The following ZNF878 variants were observed in gnomAD, a reference collection of about 807,000 sequenced individuals.
ZNF878 encodes zinc finger protein 878.
A neutral mutation model predicts 11.1 loss-of-function variants in ZNF878; 10 were observed. That is an observed-to-expected ratio of 0.90 (90% CI 0.56 to 1.53). The LOEUF (loss-of-function observed/expected upper bound fraction) is 1.53, where lower values mean the gene tolerates loss of function less well. ZNF878 is among the 40% of genes most tolerant of loss of function. The probability of loss-of-function intolerance (pLI) is 0.00; values close to 1 mark genes in which losing one functional copy is unlikely to be tolerated. For missense variants in ZNF878, 548 were observed against 626.1 expected, an observed-to-expected ratio of 0.88 and a Z score of 1.33; for synonymous variants, 165 against 209.7, an observed-to-expected ratio of 0.79 and a Z score of 1.84.
At position 12,044,653 on chromosome 19, in the gene ZNF878, T is replaced by C. The variant is rs1329008634; in HGVS notation, c.748A>G (p.Thr250Ala). The C allele has an allele frequency of 1.9e-6, 3 of 1,614,022 alleles. No homozygotes were observed. Among genetic ancestry groups the C allele is most frequent in the Non-Finnish European group, 1.7e-6 (2 of 1,180,034 alleles). Reference protein sequence around the residue: ...SSLKRHEKSHTGEKRYKCKQC... With the variant: ...SSLKRHEKSHAGEKRYKCKQC... ...TTGCATTTATAGCGTTTCTCTCCAGTGTGACTTTTCTCGTGTCTTTTTAAC... is the reference window on the plus strand; with the variant it reads ...TTGCATTTATAGCGTTTCTCTCCAGCGTGACTTTTCTCGTGTCTTTTTAAC... The change falls in exon 4 of 4, where the codon ACT becomes GCT. Residue 250 changes from threonine to alanine, a missense_variant. Thr to Ala is a moderately conservative substitution (Grantham distance 58). Transcript: ENST00000547628.
Position 12,051,243 on chromosome 19 carries a change from A to C in ZNF878, c.3+1556T>G, listed in dbSNP as rs190078785. Among the ~76,000 whole-genome samples the C allele has an allele frequency of 5.3e-4, 80 of 151,158 alleles. 1 individual carries two copies. In the East Asian group the frequency reaches 0.015, roughly 29 times the overall value. ...AACCGGGGAGGCGGAGGTTGCAGTG[A>C]GCCGAGATTGCGCCATTGCACTCCA... On this transcript the variant is annotated intron_variant, in intron 1 of 3. Transcript: ENST00000547628.
rs772399888 is a variant in ZNF878, at chr19:12,043,837, G to A, written c.1564C>T (p.Leu522Phe). 4.3e-6 allele frequency: 7 copies of A among 1,609,246 alleles called. No individual in the cohort carries two copies. The South Asian group carries it at 4.4e-5, about 10-fold the overall frequency. Residue 522 changes from leucine (L) to phenylalanine (F), a missense_variant, in exon 4 of 4, where the codon CTT becomes TTT. Leu to Phe is a conservative substitution (Grantham distance 22). This residue lies in a region of ZNF878 where 335 missense variants were observed against 358.2 expected (regional missense o/e 0.94). Coordinates refer to ENST00000547628, the MANE Select transcript of ZNF878 (RefSeq NM_001080404.3). ...CGKAFRSASI[L>F]QKHVRTHAG is the part of the protein sequence containing the mutation. ...GCGTGAGTCCTTACATGCTTTTGAA[G>A]GATTGAGGCAGATCTAAAGGCTTTA...
intron 1 of ZNF878, 93 bp downstream of exon 1, chr19:12,052,706 T>G: frequency 1.3e-6 from 2 of 1,487,398 alleles, no homozygotes; most frequent in African/African-American, 1.4e-5. Context: ...CCAGAGTCGC[T>G]GCAGGGGGGC....
In ZNF878 at chr19:12,049,124, G is replaced by A. The variant is rs181681768; in HGVS notation, c.4-2364C>T. Among the ~76,000 whole-genome samples, 362 of 139,338 alleles carry A rather than the reference G, an allele frequency of 2.6e-3. 2 individuals are homozygous for A. Among genetic ancestry groups the A allele is most frequent in the Non-Finnish European group, 3.4e-3 (224 of 64,932 alleles). The allele number at this position is 139,338 out of a possible 152,430, so 91.4% of individuals were successfully genotyped here. On this transcript the variant is annotated intron_variant, in intron 1 of 3. Coordinates refer to ENST00000547628, the MANE Select transcript of ZNF878 (RefSeq NM_001080404.3). ...CGCCACTGCACTCCAGCCTGGGCGA[G>A]AGGCAGCTCCGTCTCAAAAAAAAAA...
At chr19:12,051,230 G>C (rs1222617423) in intron 1 of ZNF878, among the ~76,000 whole-genome samples, 1 of 150,712 alleles carries the variant, frequency 6.6e-6, no homozygotes, top group Non-Finnish European at 1.5e-5. Context: ...CCGGGGAGGC[G>C]GAGGTTGCAG....
In ZNF878 at chr19:12,044,867, T is replaced by C. The variant is rs368375952; in HGVS notation, c.534A>G (p.Lys178=). 3.7e-5 allele frequency: 59 copies of C among 1,613,742 alleles called. No individual in the cohort carries two copies. Among genetic ancestry groups the C allele is most frequent in the Non-Finnish European group, 4.7e-5 (56 of 1,179,770 alleles). The change falls in exon 4 of 4, where the codon AAA becomes AAG. Residue 178 remains lysine (K), a synonymous_variant. Transcript: ENST00000547628. ...GAACAGAACTGGGAAAACTGAATGC[T>C]TTCCCACACTGCTTACATTCATAGG... ...KKPYECKQCG[K]AFSFPSSVRR...
chr19:12,052,300 T>C (rs1465057278), intron 1 of ZNF878, among the ~76,000 whole-genome samples: 1 of 152,214 alleles, frequency 6.6e-6, no homozygotes, highest in Non-Finnish European at 1.5e-5. Flanking sequence ...TTCTACACGA[T>C]TTGGGTTTTT....
intron 1 of ZNF878, among the ~76,000 whole-genome samples, chr19:12,052,369 A>G (rs767896707): frequency 6.6e-6 from 1 of 152,178 alleles, no homozygotes; most frequent in African/African-American, 2.4e-5. Context: ...GCTGTTTGCT[A>G]AAATAAACTC....
At chr19:12,049,834 GA>G (rs1241431898) in intron 1 of ZNF878, among the ~76,000 whole-genome samples, 5 of 151,898 alleles carry the variant, frequency 3.3e-5, no homozygotes, top group Non-Finnish European at 7.4e-5. Flanking sequence ...ATAGTTAGAT[GA>G]CATCAAAGAA....
At chr19:12,046,542 C>A (rs1975490813) in intron 2 of ZNF878, 92 bp downstream of exon 2, 4 of 1,587,086 alleles carry the variant, frequency 2.5e-6, no homozygotes, top group Non-Finnish European at 3.4e-6. Context: ...TCAAAGTATT[C>A]CCTGACCATA....
At chr19:12,049,231 G>A (rs1223299140) in intron 1 of ZNF878, among the ~76,000 whole-genome samples, 9 of 150,592 alleles carry the variant, frequency 6.0e-5, no homozygotes, top group Non-Finnish European at 1.3e-4. Context: ...AGCACTTTGG[G>A]AGGTGGATCA....
chr19:12,046,514 C>T, intron 2 of ZNF878, 86 bp from the exon 3 acceptor site: 1 of 1,554,098 alleles, frequency 6.4e-7, no homozygotes, highest in African/African-American at 1.4e-5. Context: ...TGGCTCATTG[C>T]ACCTGTGTCT....
Position 12,044,212 on chromosome 19 carries a change from A to T in ZNF878, c.1189T>A (p.Cys397Ser). 1.2e-6 allele frequency: 2 copies of T among 1,614,096 alleles called. No individual in the cohort carries two copies. Among genetic ancestry groups the T allele is most frequent in the Non-Finnish European group, 1.7e-6 (2 of 1,180,030 alleles). Residue 397 changes from cysteine (C) to serine (S), a missense_variant, in exon 4 of 4, where the codon TGT becomes AGT. Cys to Ser is a moderately radical substitution (Grantham distance 112, BLOSUM62 -1). This residue lies in a region of ZNF878 where 335 missense variants were observed against 358.2 expected (regional missense o/e 0.94). Coordinates refer to ENST00000547628, the MANE Select transcript of ZNF878 (RefSeq NM_001080404.3). ...RTHTGEKPYE[C>S]KQCGKAFRSA... ...CTGAAGGCTTTCCCACATTGCTTAC[A>T]CTCATAGGGTTTCTCTCCAGTGTGA...
At chr19:12,050,258 A>G (rs868789882) in intron 1 of ZNF878, among the ~76,000 whole-genome samples, 1 of 152,146 alleles carries the variant, frequency 6.6e-6, no homozygotes, top group Non-Finnish European at 1.5e-5. Context: ...AGAAGCAATT[A>G]AACTGAACTG....
intron 3 of ZNF878, chr19:12,046,109 C>G (rs1364863126): frequency 2.5e-6 from 1 of 407,504 alleles, no homozygotes; most frequent in African/African-American, 2.1e-5. Context: ...ACCCTGTGGC[C>G]CAGGCTGCCC....
rs142910242 is a variant in ZNF878 at position 12,046,756 on chromosome 19, G to A, written c.8C>T (p.Ser3Leu). 4.2e-4 allele frequency: 679 copies of A among 1,613,854 alleles called. 1 individual carries two copies. In the East Asian group the frequency reaches 0.013, roughly 31 times the overall value. The change falls in exon 2 of 4, where the codon TCG becomes TTG. Residue 3 changes from serine to leucine, a missense_variant. Ser to Leu is a moderately radical substitution (Grantham distance 145, BLOSUM62 -2). This residue lies in a region of ZNF878 where 160 missense variants were observed against 173.3 expected (regional missense o/e 0.92). Coordinates refer to ENST00000547628, the MANE Select transcript of ZNF878 (RefSeq NM_001080404.3). ...CACAGCCACATCCTCAAAGGCCACCGAATCCTGAAATATCCCACATGTGGA... is the reference window on the plus strand; with the variant it reads ...CACAGCCACATCCTCAAAGGCCACCAAATCCTGAAATATCCCACATGTGGA... MD[S>L]VAFEDVAVNF...
Position 12,044,924 on chromosome 19 carries a change from A to G in ZNF878, c.477T>C (p.Arg159=), listed in dbSNP as rs375470661. The G allele has an allele frequency of 5.3e-5, 85 of 1,613,804 alleles. No individual in the cohort carries two copies. In the African/African-American group the frequency reaches 1.1e-3, roughly 20 times the overall value. ...TTGCAGAGTGGATTCTTTCATGTCT[A>G]CGAACAGAACTGGGAAACCTGAATG... ...GKAFRFPSSV[R]RHERIHSAKK... Residue 159 remains arginine (R), a synonymous_variant, in exon 4 of 4, where the codon CGT becomes CGC. Coordinates refer to ENST00000547628, the MANE Select transcript of ZNF878 (RefSeq NM_001080404.3).
At chr19:12,052,770 C>G in intron 1 of ZNF878, 29 bp downstream of exon 1, 6 of 1,535,728 alleles carry the variant, frequency 3.9e-6, no homozygotes, top group Non-Finnish European at 5.2e-6. Context: ...CTCCTTTCGC[C>G]TTGGGACTCC....
chr19:12,052,812 C>T lies in ZNF878; in HGVS notation c.-11G>A. On this transcript the variant is annotated 5_prime_UTR_variant, in exon 1 of 4. Transcript: ENST00000547628. ...CCGCATGCTCACCATTTCCTGGCTT[C>T]CAGGTATTCTGGCGTCCTCTCTAAA... is the stretch of plus-strand genomic sequence containing the variant. 6.5e-7 allele frequency: 1 copy of T among 1,535,974 alleles called. No homozygotes were observed. Among genetic ancestry groups the T allele is most frequent in the South Asian group, 1.2e-5 (1 of 84,050 alleles).
Sources: allele counts gnomAD v4.1 joint callset (sites outside exome capture counted in the v4.1 genomes callset), GRCh38; gene constraint gnomAD v4.1.1; regional missense constraint gnomAD v4.1.1; transcripts MANE v1.5; gene names NCBI Gene and HGNC (gene_info 2026-07-23, HGNC 2026-07-21).